Variants in ZC3H3 observed in about 807,000 individuals in gnomAD.
ZC3H3 encodes zinc finger CCCH domain-containing protein 3.
A neutral mutation model predicts 77.3 loss-of-function variants in ZC3H3; 36 were observed. The ratio of observed to expected loss-of-function variants is 0.47; its 90% CI spans 0.36 to 0.61. The LOEUF is 0.61. ZC3H3 is among the 20% of genes least tolerant of loss of function. The pLI, the probability that ZC3H3 is intolerant of heterozygous loss-of-function variation, is 0.00. For missense variants in ZC3H3, 1,331 were observed against 1,312.2 expected, an observed-to-expected ratio of 1.01 and a Z score of -0.22; for synonymous variants, 626 against 555.2, an observed-to-expected ratio of 1.13 and a Z score of -1.79.
Position 143,538,608 on chromosome 8 carries a change from G to A in ZC3H3, c.759C>T (p.Ala253=), listed in dbSNP as rs754045856. Reference sequence around the variant, plus strand: ...CCCCAAGGAGCTGTGGAGCACAGCTGGCCACGGAATGAGAACCCAGCTTCC... The same window carrying A: ...CCCCAAGGAGCTGTGGAGCACAGCTAGCCACGGAATGAGAACCCAGCTTCC... ...LGRKLGSHSV[A]SCAPQLLGDR... The change falls in exon 2 of 12, where the codon GCC becomes GCT. Residue 253 remains alanine, a synonymous_variant. Coordinates refer to ENST00000262577, the MANE Select transcript of ZC3H3 (RefSeq NM_015117.3). 46 of 1,609,666 alleles carry A rather than the reference G, an allele frequency of 2.9e-5. No homozygotes were observed. The highest frequency in any genetic ancestry group is 8.8e-5 in the South Asian group (8 of 91,086).
intron 4 of ZC3H3, among the ~76,000 whole-genome samples, chr8:143,486,323 AAC>A: frequency 6.6e-6 from 1 of 152,180 alleles, no homozygotes; most frequent in African/African-American, 2.4e-5. Flanking sequence ...CGACAACAGA[AAC>A]ACACTTTCTC....
At chr8:143,467,283 T>C (rs185049222) in intron 8 of ZC3H3, among the ~76,000 whole-genome samples, 30 of 152,288 alleles carry the variant, frequency 2.0e-4, no homozygotes, top group Admixed American at 4.6e-4. Context: ...AACTGCATTC[T>C]CATTTCAATT....
intron 9 of ZC3H3, among the ~76,000 whole-genome samples, chr8:143,446,511 A>C (rs984939635): frequency 6.6e-6 from 1 of 152,214 alleles, no homozygotes; most frequent in East Asian, 1.9e-4. Flanking sequence ...CCTCACCCTC[A>C]CCAAAAAGAT....
chr8:143,482,995 C>T (rs1010238863), intron 4 of ZC3H3, among the ~76,000 whole-genome samples: 6 of 152,196 alleles, frequency 3.9e-5, no homozygotes, highest in Non-Finnish European at 5.9e-5. Flanking sequence ...CTGGCCAGGC[C>T]GCCCAGGCCA....
Position 143,538,539 on chromosome 8 carries a change from A to G in ZC3H3, c.828T>C (p.Ser276=). The change falls in exon 2 of 12, where the codon TCT becomes TCC. Residue 276 remains serine (S), a synonymous_variant. Transcript: ENST00000262577. ...DAGHTDQPVP[S]GSVGGPARPA... Reference sequence around the variant, plus strand: ...GTCTGGCGGGGCCCCCCACTGAGCCAGACGGAACTGGCTGATCTGTGTGGC... The same window carrying G: ...GTCTGGCGGGGCCCCCCACTGAGCCGGACGGAACTGGCTGATCTGTGTGGC... The G allele has an allele frequency of 6.2e-7, 1 of 1,612,026 alleles. No individual in the cohort carries two copies.
intron 9 of ZC3H3, among the ~76,000 whole-genome samples, chr8:143,456,806 T>C (rs537004384): frequency 3.3e-5 from 5 of 152,274 alleles, no homozygotes; most frequent in African/African-American, 1.2e-4. Flanking sequence ...AGTTTGAGCT[T>C]GCAGTGAACT....
At chr8:143,461,571 T>C (rs1253597249) in intron 9 of ZC3H3, among the ~76,000 whole-genome samples, 1 of 151,998 alleles carries the variant, frequency 6.6e-6, no homozygotes, top group Non-Finnish European at 1.5e-5. Context: ...TTCGAGGCAG[T>C]ATTATTCACG....
intron 9 of ZC3H3, among the ~76,000 whole-genome samples, chr8:143,451,782 TAAAAA>T (rs547990960): frequency 8.9e-6 from 1 of 112,514 alleles, no homozygotes; most frequent in Non-Finnish European, 1.9e-5. Context: ...AGACTCTGCC[TAAAAA>T]AAAAAAAAAA....
chr8:143,513,752 G>A (rs1384554318), intron 3 of ZC3H3, among the ~76,000 whole-genome samples: 1 of 152,218 alleles, frequency 6.6e-6, no homozygotes, highest in Admixed American at 6.5e-5. Flanking sequence ...TGGGACAGGA[G>A]GCTCTGCCCA....
In ZC3H3 at chr8:143,440,432, A is replaced by G. The variant is rs1210263477; in HGVS notation, c.2493-69T>C. On this transcript the variant is annotated intron_variant, in intron 10 of 11. Coordinates refer to ENST00000262577, the MANE Select transcript of ZC3H3 (RefSeq NM_015117.3). ...TGGGGATCCCAGCGACAGACTGCCC[A>G]TGCTCTTGGCTGCTTCCTGCTCCCG... The G allele has an allele frequency of 2.7e-6, 4 of 1,477,232 alleles. No individual in the cohort carries two copies. In the African/African-American group the frequency reaches 4.2e-5, roughly 16 times the overall value. The allele number at this position is 1,477,232 out of a possible 1,614,324, so 91.5% of individuals were successfully genotyped here. A position where few individuals can be genotyped will look rare whatever the true frequency, so the allele number is the denominator to read the frequency against.
chr8:143,479,618 G>T (rs1046572325), intron 4 of ZC3H3, among the ~76,000 whole-genome samples: 5 of 152,214 alleles, frequency 3.3e-5, no homozygotes, highest in Non-Finnish European at 7.3e-5. Context: ...TTTGTAATGG[G>T]AGGCATGAAC....
At chr8:143,464,912 C>A (rs1444926058) in intron 9 of ZC3H3, among the ~76,000 whole-genome samples, 1 of 152,108 alleles carries the variant, frequency 6.6e-6, no homozygotes, top group East Asian at 1.9e-4. Context: ...GAGAAACAGG[C>A]GTGAGAGGCT....
Position 143,533,550 on chromosome 8 carries a change from C to G in ZC3H3, c.1561+2707G>C, listed in dbSNP as rs75507134. Among the ~76,000 whole-genome samples, 1 of 152,170 alleles carries G rather than the reference C, an allele frequency of 6.6e-6. No homozygotes were observed. Among genetic ancestry groups the G allele is most frequent in the African/African-American group, 2.4e-5 (1 of 41,430 alleles). On this transcript the variant is annotated intron_variant, in intron 3 of 11. Coordinates refer to ENST00000262577, the MANE Select transcript of ZC3H3 (RefSeq NM_015117.3). The surrounding 1 kb of genome is among the most constrained non-coding windows in gnomAD (Gnocchi z 4.0). ...CCTTCACTGCAGTATCCCCAGGAGC[C>G]GGCAGGCTGCCAGGCACAGTGACTC...
chr8:143,524,877 G>A (rs1411068293), intron 3 of ZC3H3, among the ~76,000 whole-genome samples: 1 of 152,248 alleles, frequency 6.6e-6, no homozygotes, highest in Non-Finnish European at 1.5e-5. Flanking sequence ...AGACCAACCA[G>A]TGGCAGAAGC....
At chr8:143,532,114 G>GT in intron 3 of ZC3H3, among the ~76,000 whole-genome samples, 1 of 152,238 alleles carries the variant, frequency 6.6e-6, no homozygotes, top group Non-Finnish European at 1.5e-5. Flanking sequence ...ATGTATTAGC[G>GT]TTTTATCTGC....
chr8:143,479,648 C>T (rs1396938344), intron 4 of ZC3H3, among the ~76,000 whole-genome samples: 1 of 152,226 alleles, frequency 6.6e-6, no homozygotes, highest in Admixed American at 6.5e-5. Context: ...AAATCCATTT[C>T]TAATCCATTT....
Position 143,538,727 on chromosome 8 carries a change from C to G in ZC3H3, c.640G>C (p.Glu214Gln). The change falls in exon 2 of 12, where the codon GAG becomes CAG. Residue 214 changes from glutamate (E) to glutamine (Q), a missense_variant. Physicochemically the swap from Glu to Gln is conservative, Grantham distance 29 (BLOSUM62 2). Transcript: ENST00000262577. ...CTCTCACTGACTGTCCGGCGGGGCT[C>G]CCGGGGGCTGTCGCCCACACTGCCC... is the stretch of plus-strand genomic sequence containing the variant. ...SVGSVGDSPR[E>Q]PRRTVSESVI... is the part of the protein sequence containing the mutation. The G allele has an allele frequency of 6.2e-7, 1 of 1,609,736 alleles. No individual in the cohort carries two copies. The highest frequency in any genetic ancestry group is 1.1e-5 in the South Asian group (1 of 91,054).
At chr8:143,503,025 G>A (rs896943) in intron 4 of ZC3H3, among the ~76,000 whole-genome samples, 4,229 of 152,310 alleles carry the variant, frequency 0.028, 175 homozygotes, top group African/African-American at 0.096. Context: ...CAACAGCCCC[G>A]TCCTGTGTAT....
At chr8:143,516,962 TC>T (rs937859223) in intron 3 of ZC3H3, among the ~76,000 whole-genome samples, 27 of 152,182 alleles carry the variant, frequency 1.8e-4, no homozygotes, top group African/African-American at 6.3e-4. Context: ...AGCCGCCCTG[TC>T]CCCCCCGTGT....
Sources: gnomAD v4.1 joint callset for allele counts (sites outside exome capture counted in the v4.1 genomes callset) on GRCh38, gnomAD v4.1.1 for gene constraint, Gnocchi (gnomAD v3.1) non-coding constraint, MANE v1.5 for transcripts, NCBI Gene and HGNC (gene_info 2026-07-23, HGNC 2026-07-21) for gene names.